TVP23C: variants seen among roughly 807,000 people sequenced by gnomAD.
TVP23C encodes trans-golgi network vesicle protein 23 homolog C, also known as Golgi apparatus membrane protein TVP23 homolog C.
In TVP23C, 19 loss-of-function variants were observed where a neutral mutation model predicts 28.7. The observed-to-expected ratio is 0.66, with a 90% CI of 0.46 to 0.97. The LOEUF (loss-of-function observed/expected upper bound fraction) is 0.97. TVP23C is among the 50% of genes least tolerant of loss of function. The pLI is 0.00. For synonymous variants in TVP23C, 68 were observed against 81.7 expected, an observed-to-expected ratio of 0.83 and a Z score of 0.90; for missense variants, 186 against 241.3, an observed-to-expected ratio of 0.77 and a Z score of 1.52.
intron 1 of TVP23C, chr17:15,562,401 TAG>T (rs1984439245): frequency 6.6e-6 from 1 of 152,100 alleles, no homozygotes; most frequent in South Asian, 2.1e-4. Context: ...GTATTTTTAG[TAG>T]AGACAGGGTT....
intron 1 of TVP23C, 106 bp downstream of exon 1, chr17:15,563,331 C>T (rs1403288274): frequency 8.6e-6 from 13 of 1,517,376 alleles, no homozygotes; most frequent in Non-Finnish European, 1.1e-5. Flanking sequence ...CCCGCTCCTC[C>T]TCGAGTTCGA....
chr17:15,517,892 T>C (rs1048551396), intron 5 of TVP23C, among the ~76,000 whole-genome samples: 7 of 152,172 alleles, frequency 4.6e-5, no homozygotes, highest in Non-Finnish European at 8.8e-5. Context: ...CTCAGCCAGA[T>C]GCGGTGGCTC....
intron 1 of TVP23C, among the ~76,000 whole-genome samples, chr17:15,561,234 C>T (rs1396338314): frequency 6.6e-6 from 1 of 152,140 alleles, no homozygotes; most frequent in African/African-American, 2.4e-5. Flanking sequence ...GGTGAAGGGG[C>T]TATGGAAATG....
In TVP23C at chr17:15,555,324, G is replaced by A. The variant is rs145919469; in HGVS notation, c.53C>T (p.Ala18Val). The change falls in exon 2 of 6, where the codon GCG becomes GTG. Residue 18 changes from alanine (A) to valine (V), a missense_variant. Around this residue, in one of 3 missense-constraint regions of TVP23C, gnomAD observed 92 missense variants for 94.3 expected, o/e 0.98. Transcript: ENST00000518321. ...TGGTCTATTAGTCGTCTCCTCTTCC[G>A]CATCAAACAGTGAAACATCTTCAGT... ...DDTEDVSLFD[A>V]EEETTNRPRK... 2.0e-5 allele frequency: 33 copies of A among 1,613,800 alleles called. No homozygotes were observed. Among genetic ancestry groups the A allele is most frequent in the Admixed American group, 1.0e-4 (6 of 59,996 alleles).
exon 6 of TVP23C, chr17:15,502,657 T>C (rs778215766): frequency 7.3e-5 from 62 of 852,476 alleles, no homozygotes; most frequent in Non-Finnish European, 9.6e-5. Flanking sequence ...CGCTGCTGCC[T>C]CTCTTCTGCC....
intron 1 of TVP23C, among the ~76,000 whole-genome samples, chr17:15,561,112 G>A (rs577822605): frequency 1.3e-5 from 2 of 152,306 alleles, no homozygotes; most frequent in East Asian, 3.9e-4. Context: ...TGTGAAAATT[G>A]TCTTCCGACG....
chr17:15,538,654 T>C lies in TVP23C; in HGVS notation c.*1758A>G. On this transcript the variant is annotated 3_prime_UTR_variant, in exon 6 of 6. Coordinates refer to ENST00000518321, the MANE Select transcript of TVP23C (RefSeq NM_001135036.2). ...TGAAGTAAATCCATGGATACCATCA[T>C]CCACCCAGCTGTCCAGTTTGTCTCA... is the stretch of plus-strand genomic sequence containing the variant. 1 of 985,356 alleles carries C rather than the reference T, an allele frequency of 1.0e-6. No individual in the cohort carries two copies. The highest frequency in any genetic ancestry group is 1.2e-6 in the Non-Finnish European group (1 of 829,904). The allele number at this position is 985,356 out of a possible 1,614,324, so 61.0% of individuals were successfully genotyped here.
At chr17:15,532,993 G>A (rs1983008371), downstream of TVP23C, among the ~76,000 whole-genome samples, 1 of 152,162 alleles carries the variant, frequency 6.6e-6, no homozygotes, top group South Asian at 2.1e-4. Flanking sequence ...CAGAGTTCAA[G>A]TTCGTATCTA....
chr17:15,551,554 T>C (rs1460222259), intron 3 of TVP23C, among the ~76,000 whole-genome samples: 1 of 152,170 alleles, frequency 6.6e-6, no homozygotes, highest in African/African-American at 2.4e-5. Context: ...TTATCTTCAT[T>C]AACATCACCT....
chr17:15,545,324 G>A (rs146884206), intron 5 of TVP23C, among the ~76,000 whole-genome samples: 1 of 152,308 alleles, frequency 6.6e-6, no homozygotes, highest in Non-Finnish European at 1.5e-5. Flanking sequence ...CATGTGGAGA[G>A]GCCATGGGAC....
chr17:15,507,346 C>T (rs997643243), intron 5 of TVP23C: 8 of 744,894 alleles, frequency 1.1e-5, no homozygotes, highest in Admixed American at 8.9e-5. Context: ...GACTGGACAA[C>T]TCTAATAAGT....
intron 5 of TVP23C, among the ~76,000 whole-genome samples, chr17:15,542,637 C>T (rs1489425229): frequency 2.0e-5 from 3 of 151,812 alleles, no homozygotes; most frequent in Admixed American, 6.6e-5. Context: ...CCACCACACC[C>T]GGCTAATTTT....
intron 5 of TVP23C, among the ~76,000 whole-genome samples, chr17:15,524,063 G>GGT (rs10578424): frequency 0.22 from 29,402 of 136,098 alleles, 3,124 homozygotes; most frequent in Non-Finnish European, 0.25. Context: ...AGCAGAGTGG[G>GGT]GTGTGTGTGT....
At chr17:15,502,582 C>T in exon 6 of TVP23C, 1 of 405,000 alleles carries the variant, frequency 2.5e-6, no homozygotes, top group African/African-American at 2.1e-5. Flanking sequence ...GCCGCATGGC[C>T]CTGCCCCACA....
At chr17:15,507,497 C>T in intron 5 of TVP23C, 2 of 410,222 alleles carry the variant, frequency 4.9e-6, no homozygotes, top group Non-Finnish European at 8.9e-6. Context: ...TTCCTTGTTC[C>T]CTTCCATGCC....
intron 5 of TVP23C, chr17:15,506,725 G>A (rs1981764193): frequency 2.8e-6 from 1 of 357,862 alleles, no homozygotes. Context: ...CCAGAAGGAA[G>A]AAACTCCGAA....
Position 15,520,166 on chromosome 17 carries a change from CCT to C in TVP23C, c.463-16936_463-16935del, listed in dbSNP as rs1204828411. 2.6e-5 allele frequency among the ~76,000 whole-genome samples: 4 copies of C among 151,172 alleles called. No individual in the cohort carries two copies. The South Asian group carries it at 8.4e-4, about 32-fold the overall frequency. On this transcript the variant is annotated intron_variant, in intron 5 of 5. Transcript: ENST00000225576. Reference sequence around the variant, plus strand: ...GTGTTTCCTTGGATTTCACCAAAATCCTCTTTCTCTCATTTCCATCCAGCTGT... The same window carrying C: ...GTGTTTCCTTGGATTTCACCAAAATCCTTTCTCTCATTTCCATCCAGCTGT...
In TVP23C at chr17:15,539,420, A is replaced by C. The variant is rs1463213435; in HGVS notation, c.*992T>G. 12 of 498,678 alleles carry C rather than the reference A, an allele frequency of 2.4e-5. No homozygotes were observed. 30.9% of individuals were successfully genotyped at this position (498,678 alleles called of 1,614,324 possible). A position where few individuals can be genotyped will look rare whatever the true frequency, so the allele number is the denominator to read the frequency against. On this transcript the variant is annotated 3_prime_UTR_variant, in exon 6 of 6. Transcript: ENST00000518321. The stretch of plus-strand genomic sequence containing the variant: ...CAGGAGATCGAGACCATCCTGGCTA[A>C]CACGGTGAAACCCCGTCTCTACTAA...
intron 5 of TVP23C, among the ~76,000 whole-genome samples, chr17:15,515,567 A>G (rs1434335051): frequency 1.3e-5 from 2 of 152,214 alleles, no homozygotes; most frequent in African/African-American, 4.8e-5. Context: ...CTTTGGATTC[A>G]GAGGAGAGTG....
Sources: gnomAD v4.1 joint callset for allele counts (sites outside exome capture counted in the v4.1 genomes callset) on GRCh38, gnomAD v4.1.1 for gene constraint, gnomAD v4.1.1 regional missense constraint, MANE v1.5 for transcripts, NCBI Gene and HGNC (gene_info 2026-07-23, HGNC 2026-07-21) for gene names.